CELF2: variants seen among roughly 807,000 people sequenced by gnomAD.
CELF2 encodes CUGBP Elav-like family member 2, also known as CUG triplet repeat RNA-binding protein 2.
CELF2 carries 8 observed loss-of-function variants against 62.6 expected under a neutral mutation model. That is an observed-to-expected ratio of 0.13 (90% CI 0.07 to 0.23). The LOEUF is 0.23. Among genes scored for constraint, CELF2 ranks in the 10% least tolerant of loss-of-function variants. CELF2 has a pLI of 1.00. For synonymous variants in CELF2, 258 were observed against 250.0 expected, an observed-to-expected ratio of 1.03 and a Z score of -0.30; for missense variants, 333 against 671.0, an observed-to-expected ratio of 0.50 and a Z score of 5.56.
rs1373989882 is a variant in CELF2, at chr10:10,936,516, A to T, written c.89+16517A>T. The T allele has an allele frequency of 6.6e-6, 1 of 152,214 alleles. No individual in the cohort carries two copies. Among genetic ancestry groups the T allele is most frequent in the Non-Finnish European group, 1.5e-5 (1 of 68,060 alleles). 9.4% of individuals were successfully genotyped at this position (152,214 alleles called of 1,614,324 possible). ...TGACCACACTGTGTGGGATCACTGGACAAGCTAACATTTTCTTGGGGTGGA... is the reference window on the plus strand; with the variant it reads ...TGACCACACTGTGTGGGATCACTGGTCAAGCTAACATTTTCTTGGGGTGGA... On this transcript the variant is annotated intron_variant, in intron 2 of 13. Coordinates refer to the CELF2 transcript ENST00000636488. The surrounding 1 kb of genome is among the most constrained non-coding windows in gnomAD (Gnocchi z 4.0).
At chr10:10,557,911 T>C in the CELF2 span, among the ~76,000 whole-genome samples, 1 of 143,460 alleles carries the variant, frequency 7.0e-6, no homozygotes, top group Non-Finnish European at 1.5e-5. Flanking sequence ...CTGAAGTTGC[T>C]TATCAGCTTA....
rs558716901 is a variant in CELF2, at chr10:11,259,784, C to T, written c.538+1912C>T. 3.3e-5 allele frequency among the ~76,000 whole-genome samples: 5 copies of T among 152,316 alleles called. No homozygotes were observed. The South Asian group carries it at 1.0e-3, about 32-fold the overall frequency. On this transcript the variant is annotated intron_variant, in intron 5 of 12. Transcript: ENST00000633077. ...CAATTCTTCATCATATATATGTCCA[C>T]TTAAGCAGACAAGCCAGGAGGGAGA...
At chr10:10,782,029 T>A in the CELF2 span, among the ~76,000 whole-genome samples, 6 of 152,208 alleles carry the variant, frequency 3.9e-5, no homozygotes, top group Non-Finnish European at 7.3e-5. Flanking sequence ...GAGAGATGAT[T>A]TAAAGTATAA....
intron 2 of CELF2, among the ~76,000 whole-genome samples, chr10:10,951,177 G>T (rs1385912185): frequency 3.9e-5 from 6 of 152,100 alleles, no homozygotes; most frequent in Non-Finnish European, 7.4e-5. Context: ...TAGAGATGGG[G>T]TCTCACTCTG....
intron 1 of CELF2, among the ~76,000 whole-genome samples, chr10:10,895,412 A>G (rs749627214): frequency 6.6e-6 from 1 of 152,196 alleles, no homozygotes; most frequent in Non-Finnish European, 1.5e-5. Context: ...TCCAAGAAAA[A>G]TGTAGAAAGT....
intron 9 of CELF2, among the ~76,000 whole-genome samples, chr10:11,303,076 G>A (rs1411021413): frequency 6.6e-6 from 1 of 152,148 alleles, no homozygotes; most frequent in African/African-American, 2.4e-5. Context: ...CCTCAGAGGT[G>A]GCCCAGCGGA....
chr10:10,466,890 G>A, the CELF2 span, among the ~76,000 whole-genome samples: 1 of 151,960 alleles, frequency 6.6e-6, no homozygotes, highest in African/African-American at 2.4e-5. Context: ...GGCTCCATGT[G>A]TCATCTTAAT....
At chr10:10,513,565 C>T in the CELF2 span, among the ~76,000 whole-genome samples, 1 of 151,976 alleles carries the variant, frequency 6.6e-6, no homozygotes, top group Non-Finnish European at 1.5e-5. Flanking sequence ...GCAAGGAAAC[C>T]TCATTTTATC....
intron 2 of CELF2, among the ~76,000 whole-genome samples, chr10:10,978,207 A>C (rs888047465): frequency 2.0e-5 from 3 of 152,084 alleles, no homozygotes; most frequent in Admixed American, 6.5e-5. Flanking sequence ...TTCCCAAGAC[A>C]CTGGTTTTAT....
intron 2 of CELF2, among the ~76,000 whole-genome samples, chr10:10,987,292 C>T (rs2052883492): frequency 6.6e-6 from 1 of 151,560 alleles, no homozygotes; most frequent in Admixed American, 6.6e-5. Flanking sequence ...GCTCTAAAAC[C>T]TCACTAATTC....
intron 2 of CELF2, among the ~76,000 whole-genome samples, chr10:11,202,651 T>G (rs758036423): frequency 6.6e-6 from 1 of 152,210 alleles, no homozygotes; most frequent in Non-Finnish European, 1.5e-5. Context: ...CAGCACATGT[T>G]GGAAAGGTGT....
chr10:11,097,768 A>G (rs1390478921), intron 1 of CELF2, among the ~76,000 whole-genome samples: 5 of 152,178 alleles, frequency 3.3e-5, no homozygotes, highest in African/African-American at 1.2e-4. Flanking sequence ...ACTGTACTCA[A>G]CCTGGTAGGG....
chr10:10,783,849 G>C, the CELF2 span, among the ~76,000 whole-genome samples: 1 of 152,082 alleles, frequency 6.6e-6, no homozygotes, highest in Non-Finnish European at 1.5e-5. Context: ...GTAGCTGGGC[G>C]TGGTGGTACA....
At chr10:11,054,160 A>C (rs185753624) in intron 1 of CELF2, among the ~76,000 whole-genome samples, 1 of 152,246 alleles carries the variant, frequency 6.6e-6, no homozygotes, top group Non-Finnish European at 1.5e-5. Flanking sequence ...CCTGGCATAT[A>C]GGAAGTGCAG....
At chr10:11,271,082 GC>G (rs1312609174) in intron 7 of CELF2, among the ~76,000 whole-genome samples, 1 of 152,164 alleles carries the variant, frequency 6.6e-6, no homozygotes, top group African/African-American at 2.4e-5. Context: ...GCACCCCAAG[GC>G]CCTGAGTTAG....
chr10:11,236,529 C>T (rs2071378736), intron 3 of CELF2, among the ~76,000 whole-genome samples: 1 of 152,160 alleles, frequency 6.6e-6, no homozygotes. Flanking sequence ...GTAAATACTG[C>T]AGATGAATTA....
At chr10:11,127,810 A>G (rs1490593756) in intron 1 of CELF2, among the ~76,000 whole-genome samples, 1 of 151,984 alleles carries the variant, frequency 6.6e-6, no homozygotes, top group Non-Finnish European at 1.5e-5. Flanking sequence ...GATTGTAACA[A>G]TTTTCTCCCA....
rs546306539 is a variant in CELF2 at position 11,156,098 on chromosome 10, T to C, written c.75-9388T>C. On this transcript the variant is annotated intron_variant, in intron 1 of 12. Transcript: ENST00000633077. This position sits in a 1 kb window ranked among gnomAD's most constrained non-coding sequence, Gnocchi z 4.3. ...ATTAGGAAAGCCCACCAACCAGTTT[T>C]ATATTAATAATAATGTAATGAGAAC... 2.0e-5 allele frequency among the ~76,000 whole-genome samples: 3 copies of C among 152,292 alleles called. No homozygotes were observed. The highest frequency in any genetic ancestry group is 6.5e-5 in the Admixed American group (1 of 15,290).
At chr10:10,736,563 ATTTT>A in the CELF2 span, among the ~76,000 whole-genome samples, 1 of 151,648 alleles carries the variant, frequency 6.6e-6, no homozygotes, top group Non-Finnish European at 1.5e-5. Flanking sequence ...TACGTTGGGA[ATTTT>A]TGTTTGTTTG....
Sources: gnomAD v4.1 joint callset for allele counts (sites outside exome capture counted in the v4.1 genomes callset) on GRCh38, gnomAD v4.1.1 for gene constraint, Gnocchi (gnomAD v3.1) non-coding constraint, MANE v1.5 for transcripts, NCBI Gene and HGNC (gene_info 2026-07-23, HGNC 2026-07-21) for gene names.